The following SDK1 variants were observed in gnomAD, a reference collection of about 807,000 sequenced individuals.
The protein encoded by SDK1 is sidekick cell adhesion molecule 1, also known as protein sidekick-1.
A neutral mutation model predicts 245.5 loss-of-function variants in SDK1; 157 were observed. That is an observed-to-expected ratio of 0.64 (90% CI 0.56 to 0.73). The LOEUF (loss-of-function observed/expected upper bound fraction) is 0.73. Among genes scored for constraint, SDK1 ranks in the 30% least tolerant of loss-of-function variants. The pLI, the probability that SDK1 is intolerant of heterozygous loss-of-function variation, is 0.00. For synonymous variants in SDK1, 1,647 were observed against 1,278.5 expected, an observed-to-expected ratio of 1.29 and a Z score of -6.15; for missense variants, 3,583 against 3,002.3, an observed-to-expected ratio of 1.19 and a Z score of -4.52.
At chr7:3,908,002 C>G (rs759036335) in intron 5 of SDK1, among the ~76,000 whole-genome samples, 4 of 152,100 alleles carry the variant, frequency 2.6e-5, no homozygotes, top group Non-Finnish European at 5.9e-5. Flanking sequence ...TGATACTGAA[C>G]CAATACTCAT....
rs117263171 is a variant in SDK1, at chr7:3,703,299, G to A, written c.713+61194G>A. ...ACTCTGCATCATAAAGGAGTGAGCC[G>A]TTAATAATGTAACACTTGGGTGAAT... On this transcript the variant is annotated intron_variant, in intron 4 of 44. Transcript: ENST00000404826. Among the ~76,000 whole-genome samples the A allele has an allele frequency of 8.3e-4, 126 of 152,238 alleles. 1 individual carries two copies. Among genetic ancestry groups the A allele is most frequent in the African/African-American group, 2.9e-3 (122 of 41,536 alleles).
intron 1 of SDK1, among the ~76,000 whole-genome samples, chr7:3,388,386 G>T (rs1421269873): frequency 6.8e-6 from 1 of 147,734 alleles, no homozygotes; most frequent in Middle Eastern, 3.3e-3. Context: ...TGTGATTGAA[G>T]ATTAAAAAAA....
chr7:3,974,254 G>C (rs1782719045), intron 12 of SDK1, 115 bp from the exon 13 acceptor site: 1 of 775,556 alleles, frequency 1.3e-6, no homozygotes, highest in Non-Finnish European at 2.1e-6. Flanking sequence ...CAGTTCAGTG[G>C]TTTTTAAAGT....
At chr7:3,358,125 G>T (rs1219743658) in intron 1 of SDK1, among the ~76,000 whole-genome samples, 1 of 152,036 alleles carries the variant, frequency 6.6e-6, no homozygotes, top group South Asian at 2.1e-4. Flanking sequence ...GGATTCCAGC[G>T]ATTCTCCTGC....
intron 1 of SDK1, among the ~76,000 whole-genome samples, chr7:3,516,010 T>C (rs1225649243): frequency 6.6e-6 from 1 of 152,160 alleles, no homozygotes; most frequent in East Asian, 1.9e-4. Context: ...ATACTTATAG[T>C]TCATCAGATG....
At chr7:3,709,268 C>G (rs188929580) in intron 4 of SDK1, among the ~76,000 whole-genome samples, 6 of 152,330 alleles carry the variant, frequency 3.9e-5, no homozygotes, top group Admixed American at 3.3e-4. Context: ...AGATAGGACC[C>G]CACATCCTTT....
At chr7:4,012,592 T>TTTTTG (rs1786076431) in intron 16 of SDK1, among the ~76,000 whole-genome samples, 2 of 126,324 alleles carry the variant, frequency 1.6e-5, no homozygotes, top group African/African-American at 3.3e-5. Context: ...TTTTTTTTTT[T>TTTTTG]GATGGAGTTT....
rs1780749920 is a variant in SDK1, at chr7:3,458,842, C to T, written c.298+156958C>T. 2.0e-5 allele frequency among the ~76,000 whole-genome samples: 3 copies of T among 152,130 alleles called. No homozygotes were observed. In the South Asian group the frequency reaches 6.2e-4, roughly 31 times the overall value. On this transcript the variant is annotated intron_variant, in intron 1 of 44. Transcript: ENST00000404826. ...CATTGGTCTGTTTTGTCTACCTATG[C>T]ACCATTATCACCGTATCTTAATTAC...
intron 4 of SDK1, among the ~76,000 whole-genome samples, chr7:3,655,489 A>ATGTATGTATG (rs1392944964): frequency 1.2e-4 from 7 of 59,570 alleles, no homozygotes; most frequent in Admixed American, 3.9e-4. Flanking sequence ...ATATATATAT[A>ATGTATGTATG]TATATATATA....
At chr7:3,329,663 T>C (rs1328354779) in intron 1 of SDK1, among the ~76,000 whole-genome samples, 1 of 152,222 alleles carries the variant, frequency 6.6e-6, no homozygotes, top group Non-Finnish European at 1.5e-5. Context: ...CTTGGTGTGC[T>C]GTTTTCCACA....
In SDK1 at chr7:3,303,638, C is replaced by T. The variant is rs147019450; in HGVS notation, c.298+1754C>T. ...TGGTACCTGTTTTACATTTATATGGCTTATGAAAGTGTACAGATCTTTTAG... is the reference window on the plus strand; with the variant it reads ...TGGTACCTGTTTTACATTTATATGGTTTATGAAAGTGTACAGATCTTTTAG... On this transcript the variant is annotated intron_variant, in intron 1 of 44. Transcript: ENST00000404826. 3.1e-4 allele frequency among the ~76,000 whole-genome samples: 47 copies of T among 152,304 alleles called. 2 individuals carry two copies. The East Asian group carries it at 9.1e-3, about 29-fold the overall frequency.
intron 4 of SDK1, among the ~76,000 whole-genome samples, chr7:3,780,072 C>A (rs987056684): frequency 2.0e-5 from 3 of 151,922 alleles, no homozygotes; most frequent in African/African-American, 7.2e-5. Context: ...ACTAGAATAT[C>A]TTTTTGAAAA....
chr7:3,537,584 CT>C (rs1778924530), intron 1 of SDK1, among the ~76,000 whole-genome samples: 1 of 152,206 alleles, frequency 6.6e-6, no homozygotes, highest in Non-Finnish European at 1.5e-5. Flanking sequence ...AAACTGCAAG[CT>C]TGTTTAAAAA....
At chr7:4,223,741 G>A (rs750597828) in intron 40 of SDK1, among the ~76,000 whole-genome samples, 7 of 152,126 alleles carry the variant, frequency 4.6e-5, no homozygotes, top group South Asian at 2.1e-4. Context: ...GGACTTCAAC[G>A]TATGAATTTG....
chr7:3,514,882 G>A (rs570476878), intron 1 of SDK1, among the ~76,000 whole-genome samples: 34 of 152,128 alleles, frequency 2.2e-4, no homozygotes, highest in Admixed American at 5.9e-4. Context: ...GCATGCGTGC[G>A]CTCTCTCTCT....
At chr7:4,227,397 C>T in intron 40 of SDK1, 1 of 471,244 alleles carries the variant, frequency 2.1e-6, no homozygotes, top group South Asian at 1.5e-5. Flanking sequence ...ATTTTGCCTC[C>T]TGCCTTGAAT....
intron 7 of SDK1, 139 bp downstream of exon 7, chr7:3,952,059 G>A (rs528992950): frequency 3.0e-5 from 22 of 733,766 alleles, no homozygotes; most frequent in East Asian, 8.3e-5. Context: ...GTTTACCTTC[G>A]AAATCCTTCC....
Position 3,794,062 on chromosome 7 carries a change from A to G in SDK1, c.714-27388A>G, listed in dbSNP as rs374629875. Among the ~76,000 whole-genome samples the G allele has an allele frequency of 1.1e-4, 17 of 152,346 alleles. No homozygotes were observed. In the East Asian group the frequency reaches 2.1e-3, roughly 19 times the overall value. On this transcript the variant is annotated intron_variant, in intron 4 of 44. Coordinates refer to ENST00000404826, the MANE Select transcript of SDK1 (RefSeq NM_152744.4). ...ATGTTTCATCTTTAAGAAGCATGCT[A>G]TCTTTATACAATTGAATGCACTCTT...
chr7:4,179,592 C>T lies in SDK1; in HGVS notation c.5098+1006C>T, dbSNP rs561139720. On this transcript the variant is annotated intron_variant, in intron 35 of 44. Transcript: ENST00000404826. Reference sequence around the variant, plus strand: ...CGTGGAGAGAGGCATCAAGAGCATACGGTATTTCTGCCTCTCTTTGCACGA... The same window carrying T: ...CGTGGAGAGAGGCATCAAGAGCATATGGTATTTCTGCCTCTCTTTGCACGA... 4.1e-3 allele frequency among the ~76,000 whole-genome samples: 631 copies of T among 152,074 alleles called. 3 individuals are homozygous for T. The highest frequency in any genetic ancestry group is 7.5e-3 in the Non-Finnish European group (509 of 67,996).
Sources: allele counts gnomAD v4.1 joint callset (sites outside exome capture counted in the v4.1 genomes callset), GRCh38; gene constraint gnomAD v4.1.1; transcripts MANE v1.5; gene names NCBI Gene and HGNC (gene_info 2026-07-23, HGNC 2026-07-21).